KIAA1217: variants seen among roughly 807,000 people sequenced by gnomAD.
KIAA1217 encodes KIAA1217, also known as sickle tail protein homolog.
Under a neutral mutation model 163.9 loss-of-function variants are expected in KIAA1217, and 88 were observed. That is an observed-to-expected ratio of 0.54 (90% CI 0.45 to 0.64). The LOEUF (loss-of-function observed/expected upper bound fraction) is 0.64, where lower values mean the gene tolerates loss of function less well. KIAA1217 is among the 30% of genes least tolerant of loss of function. KIAA1217 has a pLI of 0.00. For synonymous variants in KIAA1217, 903 were observed against 923.1 expected, an observed-to-expected ratio of 0.98 and a Z score of 0.39; for missense variants, 2,372 against 2,475.0, an observed-to-expected ratio of 0.96 and a Z score of 0.88.
At chr10:23,964,051 G>A (rs1043937354) in intron 1 of KIAA1217, among the ~76,000 whole-genome samples, 4 of 151,664 alleles carry the variant, frequency 2.6e-5, no homozygotes, top group African/African-American at 4.8e-5. Flanking sequence ...GCACCACCAC[G>A]CTCAGCTAAT....
At chr10:24,351,754 C>T (rs891063180) in intron 2 of KIAA1217, among the ~76,000 whole-genome samples, 9 of 152,110 alleles carry the variant, frequency 5.9e-5, no homozygotes, top group Admixed American at 2.0e-4. Flanking sequence ...TGGATCTCTC[C>T]GAGCCATGTT....
chr10:24,060,033 T>C (rs2060663130), intron 2 of KIAA1217, among the ~76,000 whole-genome samples: 1 of 152,220 alleles, frequency 6.6e-6, no homozygotes, highest in African/African-American at 2.4e-5. Flanking sequence ...CAGGTGTAAG[T>C]AATGACTCCT....
At position 24,455,600 on chromosome 10, in the gene KIAA1217, G is replaced by T. The variant is rs1295296085; in HGVS notation, c.846+17121G>T. Among the ~76,000 whole-genome samples, 3 of 152,152 alleles carry T rather than the reference G, an allele frequency of 2.0e-5. No homozygotes were observed. In the East Asian group the frequency reaches 5.8e-4, roughly 29 times the overall value. ...CACATATCTTGAGCTAATTAGTTCG[G>T]CTTCCTCTTCAGCAGCCAAAGCTTG... On this transcript the variant is annotated intron_variant, in intron 5 of 20. Coordinates refer to ENST00000376454, the MANE Select transcript of KIAA1217 (RefSeq NM_019590.5).
chr10:24,415,299 G>C (rs1377098252), intron 3 of KIAA1217, among the ~76,000 whole-genome samples: 3 of 151,804 alleles, frequency 2.0e-5, no homozygotes, highest in African/African-American at 7.3e-5. Context: ...AGTTTTAGTA[G>C]AGACAGGATT....
At chr10:23,876,270 G>A (rs1840689186) in intron 1 of KIAA1217, among the ~76,000 whole-genome samples, 1 of 151,698 alleles carries the variant, frequency 6.6e-6, no homozygotes, top group African/African-American at 2.4e-5. Context: ...GTAAGTGGGA[G>A]CACAACACTG....
At chr10:24,421,834 T>C (rs1482657347) in intron 3 of KIAA1217, among the ~76,000 whole-genome samples, 6 of 152,214 alleles carry the variant, frequency 3.9e-5, no homozygotes, top group Admixed American at 3.9e-4. Flanking sequence ...TGGATCATGA[T>C]GTGTTTGTTC....
At chr10:24,189,089 G>A (rs1230615224) in intron 2 of KIAA1217, among the ~76,000 whole-genome samples, 2 of 142,938 alleles carry the variant, frequency 1.4e-5, no homozygotes, top group East Asian at 2.0e-4. Flanking sequence ...CTGGGTGACA[G>A]AGCGAGACTC....
intron 1 of KIAA1217, among the ~76,000 whole-genome samples, chr10:23,902,454 A>G (rs1306634417): frequency 1.3e-5 from 2 of 152,092 alleles, no homozygotes; most frequent in Non-Finnish European, 2.9e-5. Context: ...TCCTGGAAAC[A>G]GCATTCAAAG....
intron 2 of KIAA1217, among the ~76,000 whole-genome samples, chr10:24,314,866 C>CTT: frequency 6.6e-6 from 1 of 152,216 alleles, no homozygotes; most frequent in East Asian, 1.9e-4. Context: ...ATGGCGTGAA[C>CTT]CCAGGAGGCA....
intron 1 of KIAA1217, among the ~76,000 whole-genome samples, chr10:23,936,258 G>C (rs1468097362): frequency 6.6e-6 from 1 of 152,078 alleles, no homozygotes; most frequent in Non-Finnish European, 1.5e-5. Flanking sequence ...CACCCATAAA[G>C]GTCAGCCTCC....
In KIAA1217 at chr10:24,169,913, G is replaced by C. The variant is rs143867178; in HGVS notation, c.-170-49713G>C. Among the ~76,000 whole-genome samples, 96 of 152,182 alleles carry C rather than the reference G, an allele frequency of 6.3e-4. 1 individual carries two copies. The South Asian group carries it at 0.019, about 30-fold the overall frequency. On this transcript the variant is annotated intron_variant, in intron 2 of 18. Transcript: ENST00000376462. ...ATTAAAAAAACGAAAAAACACCTAA[G>C]CTCCCTAAGTTACTATTTTGGAAGA...
At chr10:23,782,523 C>G (rs984443721) in intron 1 of KIAA1217, among the ~76,000 whole-genome samples, 1 of 152,178 alleles carries the variant, frequency 6.6e-6, no homozygotes, top group African/African-American at 2.4e-5. Flanking sequence ...ACCTCTGCCT[C>G]CCAGTCTCTA....
intron 2 of KIAA1217, among the ~76,000 whole-genome samples, chr10:24,343,399 A>G (rs1009082636): frequency 6.6e-6 from 1 of 152,164 alleles, no homozygotes; most frequent in African/African-American, 2.4e-5. Flanking sequence ...TATATTAGTT[A>G]GTCAATTTTG....
chr10:23,884,072 G>A (rs1469915677), intron 1 of KIAA1217, among the ~76,000 whole-genome samples: 2 of 151,892 alleles, frequency 1.3e-5, no homozygotes, highest in Non-Finnish European at 2.9e-5. Context: ...AGACACGTCT[G>A]TGTACAGATT....
At chr10:24,425,321 C>T (rs1446229628) in intron 3 of KIAA1217, among the ~76,000 whole-genome samples, 1 of 152,132 alleles carries the variant, frequency 6.6e-6, no homozygotes, top group Non-Finnish European at 1.5e-5. Context: ...TAACTTGAAC[C>T]TAACGAAACC....
At chr10:24,231,041 G>C (rs540884988) in intron 2 of KIAA1217, among the ~76,000 whole-genome samples, 1 of 152,214 alleles carries the variant, frequency 6.6e-6, no homozygotes, top group African/African-American at 2.4e-5. Context: ...CTGGACTGGG[G>C]ACCAGTCTGC....
chr10:24,369,748 C>T (rs2051308852), intron 2 of KIAA1217, among the ~76,000 whole-genome samples: 1 of 152,174 alleles, frequency 6.6e-6, no homozygotes, highest in Non-Finnish European at 1.5e-5. Context: ...TAACAGCAAT[C>T]CTCACACAGA....
At chr10:24,085,014 C>T (rs1174842898) in intron 2 of KIAA1217, among the ~76,000 whole-genome samples, 4 of 150,586 alleles carry the variant, frequency 2.7e-5, no homozygotes, top group Non-Finnish European at 5.9e-5. Context: ...CCCGGGTTCA[C>T]GCCATTCTCC....
At chr10:24,545,571 G>A (rs745579591) in intron 20 of KIAA1217, 7 of 1,359,124 alleles carry the variant, frequency 5.2e-6, no homozygotes, top group African/African-American at 2.9e-5. Flanking sequence ...CACAGGAAAT[G>A]GTAGAGCTGG....
Sources: gnomAD v4.1 joint callset for allele counts (sites outside exome capture counted in the v4.1 genomes callset) on GRCh38, gnomAD v4.1.1 for gene constraint, MANE v1.5 for transcripts, NCBI Gene and HGNC (gene_info 2026-07-23, HGNC 2026-07-21) for gene names.